The following SORCS2 variants were observed in gnomAD, a reference collection of about 807,000 sequenced individuals.
SORCS2 encodes the protein VPS10 domain-containing receptor SorCS2.
SORCS2 carries 100 observed loss-of-function variants against 141.6 expected under a neutral mutation model. The observed-to-expected ratio is 0.71, with a 90% confidence interval of 0.60 to 0.83. The LOEUF (loss-of-function observed/expected upper bound fraction) is 0.83. SORCS2 is among the 40% of genes least tolerant of loss of function. The probability of loss-of-function intolerance (pLI) is 0.00; values close to 1 mark genes in which losing one functional copy is unlikely to be tolerated. For synonymous variants in SORCS2, 789 were observed against 676.9 expected (o/e 1.17, Z -2.57); for missense variants, 1,646 against 1,560.2 (o/e 1.05, Z -0.93).
In SORCS2 at chr4:7,195,001, G is replaced by A. The variant is rs138059032; in HGVS notation, c.480+1875G>A. Reference sequence around the variant, plus strand: ...CCTGTCCTGACCTCACAGTCTGGGTGCAGGGCAGCTTCCTGGGAGAGAGTT... The same window carrying A: ...CCTGTCCTGACCTCACAGTCTGGGTACAGGGCAGCTTCCTGGGAGAGAGTT... On this transcript the variant is annotated intron_variant, in intron 1 of 26. Transcript: ENST00000507866. Among the ~76,000 whole-genome samples the A allele has an allele frequency of 2.2e-3, 333 of 152,258 alleles. 1 individual carries two copies. The highest frequency in any genetic ancestry group is 8.2e-3 in the Admixed American group (125 of 15,296).
At chr4:7,437,575 AC>A (rs1165011069) in intron 2 of SORCS2, among the ~76,000 whole-genome samples, 5 of 152,076 alleles carry the variant, frequency 3.3e-5, no homozygotes, top group Non-Finnish European at 5.9e-5. Flanking sequence ...CCATCTAGGG[AC>A]CCCACTGTAG....
At chr4:7,196,087 C>T (rs1727151431) in intron 1 of SORCS2, among the ~76,000 whole-genome samples, 2 of 152,246 alleles carry the variant, frequency 1.3e-5, no homozygotes, top group Non-Finnish European at 2.9e-5. Flanking sequence ...GGTTTTCCTT[C>T]CAACGGCTTG....
chr4:7,532,641 G>A (rs1013894879), intron 3 of SORCS2, among the ~76,000 whole-genome samples: 21 of 152,138 alleles, frequency 1.4e-4, no homozygotes, highest in African/African-American at 5.1e-4. Context: ...AGAGGAGCTG[G>A]GCGCACTGGA....
intron 1 of SORCS2, among the ~76,000 whole-genome samples, chr4:7,386,698 CACAGAT>C (rs1723364160): frequency 6.7e-6 from 1 of 149,726 alleles, no homozygotes; most frequent in East Asian, 2.0e-4. Context: ...CACATGCACA[CACAGAT>C]ACAGAGATAC....
chr4:7,305,297 C>T (rs553330861), intron 1 of SORCS2, among the ~76,000 whole-genome samples: 1 of 151,776 alleles, frequency 6.6e-6, no homozygotes, highest in African/African-American at 2.4e-5. Context: ...TCCCAAAGTG[C>T]TGGGATCACA....
chr4:7,238,406 C>T (rs1412990976), intron 1 of SORCS2, among the ~76,000 whole-genome samples: 4 of 152,116 alleles, frequency 2.6e-5, no homozygotes, highest in African/African-American at 9.7e-5. Flanking sequence ...GGTATAGCAG[C>T]CATGCTGCTG....
chr4:7,406,638 G>T (rs980342901), intron 2 of SORCS2, among the ~76,000 whole-genome samples: 1 of 150,384 alleles, frequency 6.6e-6, no homozygotes, highest in African/African-American at 2.4e-5. Flanking sequence ...TTTTCTAGTC[G>T]GTCTACTTTG....
rs532796021 is a variant in SORCS2, at chr4:7,261,651, T to C, written c.480+68525T>C. On this transcript the variant is annotated intron_variant, in intron 1 of 26. Coordinates refer to ENST00000507866, the MANE Select transcript of SORCS2 (RefSeq NM_020777.3). ...ATTCAGTTATTAAGGAAGCTGCAATTGATTATTCAATTACAGCAGATCGGG... is the reference window on the plus strand; with the variant it reads ...ATTCAGTTATTAAGGAAGCTGCAATCGATTATTCAATTACAGCAGATCGGG... 5.3e-5 allele frequency among the ~76,000 whole-genome samples: 8 copies of C among 152,378 alleles called. No individual in the cohort carries two copies. The East Asian group carries it at 1.5e-3, about 29-fold the overall frequency.
intron 23 of SORCS2, among the ~76,000 whole-genome samples, chr4:7,730,476 A>C (rs1213792180): frequency 6.6e-6 from 1 of 152,246 alleles, no homozygotes; most frequent in South Asian, 2.1e-4. Context: ...AGCATTACTC[A>C]TCGTAGCCAA....
chr4:7,401,941 C>A (rs1724621150), intron 2 of SORCS2, among the ~76,000 whole-genome samples: 1 of 152,142 alleles, frequency 6.6e-6, no homozygotes, highest in Non-Finnish European at 1.5e-5. Context: ...AAAGTACCTA[C>A]CATGGTAGGA....
intron 3 of SORCS2, among the ~76,000 whole-genome samples, chr4:7,594,902 T>C (rs569971431): frequency 6.6e-6 from 1 of 152,310 alleles, no homozygotes; most frequent in South Asian, 2.1e-4. Flanking sequence ...GTGCCTCAAC[T>C]GCGTTTACTC....
At chr4:7,559,712 C>T (rs968886114) in intron 3 of SORCS2, among the ~76,000 whole-genome samples, 7 of 152,346 alleles carry the variant, frequency 4.6e-5, no homozygotes, top group African/African-American at 1.4e-4. Context: ...TCATCCCTCT[C>T]CATGCCTCAA....
intron 2 of SORCS2, among the ~76,000 whole-genome samples, chr4:7,486,840 G>A (rs981021017): frequency 6.6e-6 from 1 of 152,160 alleles, no homozygotes; most frequent in Non-Finnish European, 1.5e-5. Flanking sequence ...TGGATTTAGA[G>A]CCCACTTGGA....
At chr4:7,658,247 ATGAGTGAG>A (rs1412149068) in intron 5 of SORCS2, among the ~76,000 whole-genome samples, 6 of 149,400 alleles carry the variant, frequency 4.0e-5, no homozygotes, top group Non-Finnish European at 7.4e-5. Context: ...GACTGAGAGA[ATGAGTGAG>A]TGAGTGAATG....
At chr4:7,481,256 A>G (rs971988417) in intron 2 of SORCS2, among the ~76,000 whole-genome samples, 11 of 152,252 alleles carry the variant, frequency 7.2e-5, no homozygotes, top group African/African-American at 2.7e-4. Context: ...CCTCTTACAG[A>G]ATGAATAGTC....
At chr4:7,309,806 G>T (rs981532709) in intron 1 of SORCS2, among the ~76,000 whole-genome samples, 1 of 152,168 alleles carries the variant, frequency 6.6e-6, no homozygotes, top group Non-Finnish European at 1.5e-5. Flanking sequence ...CCTGAGGCCC[G>T]CGTAACCCAC....
At chr4:7,272,400 GA>G (rs1236039113) in intron 1 of SORCS2, among the ~76,000 whole-genome samples, 2 of 152,224 alleles carry the variant, frequency 1.3e-5, no homozygotes, top group African/African-American at 4.8e-5. Flanking sequence ...TGATTTTAGA[GA>G]TGTTAAGTTG....
chr4:7,545,101 C>T (rs1324923963), intron 3 of SORCS2, among the ~76,000 whole-genome samples: 1 of 151,082 alleles, frequency 6.6e-6, no homozygotes, highest in African/African-American at 2.4e-5. Context: ...GAAAATTATT[C>T]CCTCTTAAAG....
chr4:7,661,306 C>T (rs1012212453), intron 5 of SORCS2, among the ~76,000 whole-genome samples, 194 bp from the exon 6 acceptor site: 1 of 113,394 alleles, frequency 8.8e-6, no homozygotes, highest in Non-Finnish European at 1.8e-5. Flanking sequence ...CCTCAGCTCA[C>T]TCAAGGAAAA....
Sources: gnomAD v4.1 joint callset for allele counts (sites outside exome capture counted in the v4.1 genomes callset) on GRCh38, gnomAD v4.1.1 for gene constraint, MANE v1.5 for transcripts, NCBI Gene and HGNC (gene_info 2026-07-23, HGNC 2026-07-21) for gene names.